The following LSM12 variants were observed in gnomAD, a reference collection of about 807,000 sequenced individuals.
LSM12 encodes the protein protein LSM12.
For synonymous variants in LSM12, 74 were observed against 87.3 expected (o/e 0.85, Z 0.85); for missense variants, 108 against 238.9 (o/e 0.45, Z 3.61).
At chr17:44,039,598 G>A in intron 3 of LSM12, among the ~76,000 whole-genome samples, 1 of 143,500 alleles carries the variant, frequency 7.0e-6, no homozygotes, top group East Asian at 2.1e-4. Flanking sequence ...AGCCAGGATG[G>A]TCTCGATCTC....
At chr17:44,054,610 G>A (rs748246585) in intron 2 of LSM12, among the ~76,000 whole-genome samples, 4 of 151,312 alleles carry the variant, frequency 2.6e-5, no homozygotes, top group African/African-American at 7.3e-5. Context: ...CCACCAAGTC[G>A]GTGATTTTTA....
intron 2 of LSM12, among the ~76,000 whole-genome samples, chr17:44,059,432 T>G (rs1259746229): frequency 6.6e-6 from 1 of 151,660 alleles, no homozygotes; most frequent in Non-Finnish European, 1.5e-5. Context: ...CTACTAAAAA[T>G]AGAAAAATTA....
In LSM12 at chr17:44,036,134, C is replaced by A; in HGVS notation, c.*74G>T. 3 of 1,464,812 alleles carry A rather than the reference C, an allele frequency of 2.0e-6. No homozygotes were observed. Among genetic ancestry groups the A allele is most frequent in the East Asian group, 2.3e-5 (1 of 43,218 alleles). 90.7% of individuals were successfully genotyped at this position (1,464,812 alleles called of 1,614,324 possible). ...GACATATAGGATCCCTTCCCTCCCC[C>A]GGCCTGCCTCCGCTGAAGCCACCAC... On this transcript the variant is annotated 3_prime_UTR_variant, in exon 5 of 5. Coordinates refer to ENST00000293406, the MANE Select transcript of LSM12 (RefSeq NM_001371445.1).
At chr17:44,055,762 T>A (rs1011320068) in intron 2 of LSM12, among the ~76,000 whole-genome samples, 3 of 146,924 alleles carry the variant, frequency 2.0e-5, no homozygotes, top group Admixed American at 6.9e-5. Context: ...TATATATAAA[T>A]AAAAAGATAT....
At position 44,065,144 on chromosome 17, in the gene LSM12, A is replaced by G. The variant is rs190057890; in HGVS notation, c.125-1210T>C. ...GTGAAACTCCGTCTCAAAAAACACAACAAAAAAAAAAGCCGGGCGGTGGCT... is the reference window on the plus strand; with the variant it reads ...GTGAAACTCCGTCTCAAAAAACACAGCAAAAAAAAAAGCCGGGCGGTGGCT... On this transcript the variant is annotated intron_variant, in intron 1 of 4. Transcript: ENST00000293406. Among the ~76,000 whole-genome samples, 116 of 149,940 alleles carry G rather than the reference A, an allele frequency of 7.7e-4. 2 individuals carry two copies. The highest frequency in any genetic ancestry group is 2.8e-3 in the African/African-American group (114 of 40,950).
At chr17:44,040,279 G>C (rs372399655) in intron 2 of LSM12, 23 bp from the exon 3 acceptor site, 581 of 1,563,466 alleles carry the variant, frequency 3.7e-4, no homozygotes, top group Admixed American at 6.9e-4. Context: ...AGAGGAAAGA[G>C]ACTCAGAATA....
chr17:44,039,028 A>G (rs930533942), intron 3 of LSM12, among the ~76,000 whole-genome samples: 6 of 152,186 alleles, frequency 3.9e-5, no homozygotes, highest in African/African-American at 1.4e-4. Flanking sequence ...TAGGGAAGCT[A>G]GTGGAGAGTC....
intron 1 of LSM12, among the ~76,000 whole-genome samples, chr17:44,064,888 C>T (rs1456313596): frequency 1.3e-5 from 2 of 152,168 alleles, no homozygotes; most frequent in Admixed American, 6.5e-5. Context: ...AATCCCAGCA[C>T]TCTGGGAGGC....
intron 2 of LSM12, among the ~76,000 whole-genome samples, chr17:44,043,981 C>A (rs1415892109): frequency 6.6e-6 from 1 of 152,104 alleles, no homozygotes; most frequent in Non-Finnish European, 1.5e-5. Flanking sequence ...AAATCCAAAT[C>A]ATCTCCGAAT....
intron 2 of LSM12, among the ~76,000 whole-genome samples, chr17:44,049,407 A>G (rs1001964655): frequency 1.3e-5 from 2 of 152,094 alleles, no homozygotes; most frequent in African/African-American, 4.8e-5. Flanking sequence ...CCTACAGAGT[A>G]GCTGAGACTA....
At chr17:44,052,254 AAAC>A (rs1050869926) in intron 2 of LSM12, among the ~76,000 whole-genome samples, 2 of 151,356 alleles carry the variant, frequency 1.3e-5, no homozygotes, top group East Asian at 1.9e-4. Context: ...AAAAAAAAAC[AAAC>A]AACAAAAAAA....
chr17:44,034,509 C>T lies in LSM12; in HGVS notation c.*1699G>A, dbSNP rs894609310. The T allele has an allele frequency of 2.0e-4, 31 of 152,168 alleles. No homozygotes were observed. The highest frequency in any genetic ancestry group is 5.9e-5 in the Non-Finnish European group (4 of 68,028). 9.4% of individuals were successfully genotyped at this position (152,168 alleles called of 1,614,324 possible). On this transcript the variant is annotated 3_prime_UTR_variant, in exon 5 of 5. Transcript: ENST00000293406. ...TGCATTATATTTCTGGATGAGTCCT[C>T]GGGGGTGAAAAGAGAGGGTAAATAG...
chr17:44,048,579 CCAAT>C (rs1295174346), intron 2 of LSM12, among the ~76,000 whole-genome samples: 2 of 151,914 alleles, frequency 1.3e-5, no homozygotes, highest in Non-Finnish European at 2.9e-5. Context: ...GGCCTCACTA[CCAAT>C]CAGTTAGAAG....
At chr17:44,044,722 A>T (rs1478475908) in intron 2 of LSM12, among the ~76,000 whole-genome samples, 1 of 152,168 alleles carries the variant, frequency 6.6e-6, no homozygotes, top group Non-Finnish European at 1.5e-5. Flanking sequence ...TTCAAAATTG[A>T]GGGTGGGGAG....
intron 2 of LSM12, among the ~76,000 whole-genome samples, chr17:44,048,023 ACAC>A (rs2049593894): frequency 2.5e-5 from 1 of 39,650 alleles, no homozygotes; most frequent in Non-Finnish European, 4.0e-5. Flanking sequence ...TATTAAACAC[ACAC>A]ACACACACAC....
At chr17:44,055,572 G>C (rs2049700889) in intron 2 of LSM12, among the ~76,000 whole-genome samples, 1 of 150,222 alleles carries the variant, frequency 6.7e-6, no homozygotes. Flanking sequence ...AGCTACTCAG[G>C]AGGCTGAGGC....
chr17:44,054,008 G>C (rs1597892641), intron 2 of LSM12, among the ~76,000 whole-genome samples: 2 of 152,140 alleles, frequency 1.3e-5, no homozygotes, highest in South Asian at 4.1e-4. Context: ...AGGGTGCAGA[G>C]GTGGCTGCAA....
Position 44,037,933 on chromosome 17 carries a change from C to G in LSM12, c.369-395G>C, listed in dbSNP as rs150501396. Among the ~76,000 whole-genome samples, 41 of 152,314 alleles carry G rather than the reference C, an allele frequency of 2.7e-4. No individual in the cohort carries two copies. In the East Asian group the frequency reaches 6.0e-3, roughly 22 times the overall value. On this transcript the variant is annotated intron_variant, in intron 3 of 4. Coordinates refer to ENST00000293406, the MANE Select transcript of LSM12 (RefSeq NM_001371445.1). The stretch of plus-strand genomic sequence containing the variant: ...AGTCCATATCATCTGTTACAACTAG[C>G]ACTGAGTTCTGCCATAGTTGTACAA...
intron 2 of LSM12, among the ~76,000 whole-genome samples, chr17:44,044,667 G>A (rs1418120888): frequency 1.3e-5 from 2 of 152,176 alleles, no homozygotes; most frequent in African/African-American, 2.4e-5. Flanking sequence ...CCCCATCAAT[G>A]GGGGAGACCG....
Sources: gnomAD v4.1 joint callset for allele counts (sites outside exome capture counted in the v4.1 genomes callset) on GRCh38, gnomAD v4.1.1 for gene constraint, MANE v1.5 for transcripts, NCBI Gene and HGNC (gene_info 2026-07-23, HGNC 2026-07-21) for gene names.